XRCC1: variants seen among roughly 807,000 people sequenced by gnomAD.
XRCC1 encodes X-ray repair cross complementing 1.
A neutral mutation model predicts 83.3 loss-of-function variants in XRCC1; 52 were observed. The observed-to-expected ratio is 0.62, with a 90% CI of 0.50 to 0.79. The LOEUF is 0.79. Ranked by LOEUF, XRCC1 falls within the 30% of genes least tolerant of loss-of-function variation. The pLI is 0.00. For synonymous variants in XRCC1, 281 were observed against 312.6 expected (o/e 0.90, Z 1.07); for missense variants, 793 against 823.5 (o/e 0.96, Z 0.45).
chr19:43,551,786 G>A, intron 9 of XRCC1, 99 bp from the exon 10 acceptor site: 1 of 1,090,412 alleles, frequency 9.2e-7, no homozygotes, highest in South Asian at 1.3e-5. Context: ...GAGACAGACA[G>A]ACAGACAGAT....
Position 43,553,803 on chromosome 19 carries a change from G to A in XRCC1, c.415-120C>T, listed in dbSNP as rs1972607697. 9.1e-6 allele frequency: 7 copies of A among 770,654 alleles called. No homozygotes were observed. In the East Asian group the frequency reaches 1.8e-4, roughly 20 times the overall value. The allele number at this position is 770,654 out of a possible 1,614,324, so 47.7% of individuals were successfully genotyped here. A position where few individuals can be genotyped will look rare whatever the true frequency, so the allele number is the denominator to read the frequency against. On this transcript the variant is annotated intron_variant, in intron 4 of 16. Coordinates refer to ENST00000262887, the MANE Select transcript of XRCC1 (RefSeq NM_006297.3). ...CTTCCCTCTCATGAACACCCATGTT[G>A]AAGGAGGGGCCCTGGCGATGGTGAT...
chr19:43,544,590 T>A (rs1314674145), intron 14 of XRCC1, among the ~76,000 whole-genome samples: 2 of 151,842 alleles, frequency 1.3e-5, no homozygotes, highest in Non-Finnish European at 1.5e-5. Context: ...CACTGCAACC[T>A]CTGCCTCCTG....
At chr19:43,554,908 G>A (rs1462957287) in intron 3 of XRCC1, 104 bp from the exon 4 acceptor site, 4 of 1,310,320 alleles carry the variant, frequency 3.1e-6, no homozygotes, top group Non-Finnish European at 4.2e-6. Flanking sequence ...AGGGGACTGG[G>A]AGTCACTAGA....
rs35267441 is a variant in XRCC1, at chr19:43,557,792, CAAAAAAAAAAA to C, written c.256-2999_256-2989del. On this transcript the variant is annotated intron_variant, in intron 3 of 16. Coordinates refer to ENST00000262887, the MANE Select transcript of XRCC1 (RefSeq NM_006297.3). ...GGGCAACAGGAGCAAAATTCCATCT[CAAAAAAAAAAA>C]AAAAAAAAAAAAAAAAGGAAGGAGG... Among the ~76,000 whole-genome samples the C allele has an allele frequency of 3.9e-4, 16 of 41,016 alleles. No individual in the cohort carries two copies. The South Asian group carries it at 0.012, about 31-fold the overall frequency. 26.9% of individuals were successfully genotyped at this position (41,016 alleles called of 152,430 possible). A position where few individuals can be genotyped will look rare whatever the true frequency, so the allele number is the denominator to read the frequency against.
intron 2 of XRCC1, among the ~76,000 whole-genome samples, chr19:43,565,790 A>C (rs1972746457): frequency 6.6e-6 from 1 of 151,674 alleles, no homozygotes; most frequent in South Asian, 2.1e-4. Context: ...AAAAAAAGTT[A>C]GCTGGGTGTG....
In XRCC1 at chr19:43,552,802, G is replaced by A. The variant is rs143917286; in HGVS notation, c.818C>T (p.Pro273Leu). 479 of 1,605,576 alleles carry A rather than the reference G, an allele frequency of 3.0e-4. No homozygotes were observed. Among genetic ancestry groups the A allele is most frequent in the Middle Eastern group, 2.7e-3 (16 of 5,974 alleles). ...AAGGGATCTAGTTAGCTCACATTTAGGTCTCTTGGGAACAGATGGCGACAG... is the reference window on the plus strand; with the variant it reads ...AAGGGATCTAGTTAGCTCACATTTAAGTCTCTTGGGAACAGATGGCGACAG... Reference protein sequence around the residue: ...AQLSPSVPKRPKLPAPTRTPA... With the variant: ...AQLSPSVPKRLKLPAPTRTPA... The change falls in exon 8 of 17, where the codon CCT becomes CTT. Residue 273 changes from proline (P) to leucine (L), a missense_variant. Pro to Leu is a moderately conservative substitution (Grantham distance 98). Coordinates refer to ENST00000262887, the MANE Select transcript of XRCC1 (RefSeq NM_006297.3).
At chr19:43,558,257 C>T (rs985490111) in intron 3 of XRCC1, among the ~76,000 whole-genome samples, 1 of 152,124 alleles carries the variant, frequency 6.6e-6, no homozygotes, top group African/African-American at 2.4e-5. Flanking sequence ...ATCACTTGAA[C>T]CCGGGAGGAC....
In XRCC1 at chr19:43,546,125, T is replaced by C; in HGVS notation, c.1427-19A>G. The C allele has an allele frequency of 6.2e-7, 1 of 1,613,400 alleles. No homozygotes were observed. The highest frequency in any genetic ancestry group is 8.5e-7 in the Non-Finnish European group (1 of 1,179,772). On this transcript the variant is annotated intron_variant, in intron 12 of 16. Transcript: ENST00000262887. ...TGTCCTTCTGCAAGTAGAAGCTCAG[T>C]CAATGCAAGGCTGCCTTGTCTCCTG... is the stretch of plus-strand genomic sequence containing the variant.
intron 3 of XRCC1, among the ~76,000 whole-genome samples, chr19:43,557,763 G>A (rs1337419450): frequency 8.0e-6 from 1 of 124,894 alleles, no homozygotes; most frequent in Non-Finnish European, 1.6e-5. Flanking sequence ...CTGCACTCCA[G>A]CCTGGGCAAC....
chr19:43,562,465 C>T (rs1972710000), intron 2 of XRCC1, among the ~76,000 whole-genome samples: 2 of 152,084 alleles, frequency 1.3e-5, no homozygotes, highest in South Asian at 2.1e-4. Flanking sequence ...CCTCCTTGGC[C>T]AGGCGCAGTG....
intron 2 of XRCC1, among the ~76,000 whole-genome samples, chr19:43,562,942 C>G (rs1031448665): frequency 6.6e-5 from 10 of 152,256 alleles, no homozygotes; most frequent in Non-Finnish European, 1.3e-4. Flanking sequence ...CATGAGCAAA[C>G]GGAGGCAGGA....
At position 43,543,415 on chromosome 19, in the gene XRCC1, A is replaced by T. The variant is rs1972475258; in HGVS notation, c.1879T>A (p.Tyr627Asn). 6.2e-7 allele frequency: 1 copy of T among 1,610,408 alleles called. No homozygotes were observed. The highest frequency in any genetic ancestry group is 8.5e-7 in the Non-Finnish European group (1 of 1,179,054). Residue 627 changes from tyrosine (Y) to asparagine (N), a missense_variant, in exon 17 of 17, where the codon TAT becomes AAT. Tyr to Asn is a moderately radical substitution (Grantham distance 143, BLOSUM62 -2). Transcript: ENST00000262887. ...CTTCAGGCTTGCGGCACCACCCCAT[A>T]GAGCTGGTGAGGAAGTAACTTCTGC... ...EKQKLLPHQL[Y>N]GVVPQA
intron 2 of XRCC1, among the ~76,000 whole-genome samples, chr19:43,570,177 A>T (rs1206926000): frequency 6.6e-6 from 1 of 152,228 alleles, no homozygotes; most frequent in Non-Finnish European, 1.5e-5. Flanking sequence ...GTGATTAGAA[A>T]ACCAATAACA....
At chr19:43,557,578 A>C (rs998152114) in intron 3 of XRCC1, among the ~76,000 whole-genome samples, 6 of 151,972 alleles carry the variant, frequency 3.9e-5, no homozygotes, top group Non-Finnish European at 5.9e-5. Flanking sequence ...TGGAGCTGAC[A>C]GGGAAGCTGC....
intron 14 of XRCC1, 82 bp downstream of exon 14, chr19:43,545,736 C>A: frequency 6.4e-7 from 1 of 1,570,838 alleles, no homozygotes; most frequent in South Asian, 1.2e-5. Flanking sequence ...GCAGCAGTGA[C>A]CCCAGGGCTG....
chr19:43,554,584 G>C (rs2146053864), intron 4 of XRCC1, 62 bp downstream of exon 4: 1 of 1,538,884 alleles, frequency 6.5e-7, no homozygotes, highest in Non-Finnish European at 8.8e-7. Flanking sequence ...CTCAATATTG[G>C]CCCTTATTTC....
intron 6 of XRCC1, 22 bp from the exon 7 acceptor site, chr19:43,553,113 C>T: frequency 6.4e-7 from 1 of 1,552,572 alleles, no homozygotes; most frequent in Non-Finnish European, 8.7e-7. Flanking sequence ...GAAAGTGGAT[C>T]CAGGATGAGA....
intron 2 of XRCC1, among the ~76,000 whole-genome samples, chr19:43,567,473 G>A (rs1469901332): frequency 1.1e-4 from 17 of 151,984 alleles, no homozygotes; most frequent in African/African-American, 3.9e-4. Context: ...CACCACCCCC[G>A]GCTAATTTTT....
At position 43,548,189 on chromosome 19, in the gene XRCC1, G is replaced by A. The variant is rs1210127027; in HGVS notation, c.1200-1212C>T. ...CCTCCGCCCGGCCGCCGCCCCGTCCGGGAGGTGGGGGGCGCCTCTGCCCGG... is the reference window on the plus strand; with the variant it reads ...CCTCCGCCCGGCCGCCGCCCCGTCCAGGAGGTGGGGGGCGCCTCTGCCCGG... On this transcript the variant is annotated intron_variant, in intron 10 of 16. Transcript: ENST00000262887. Among the ~76,000 whole-genome samples the A allele has an allele frequency of 2.4e-3, 360 of 151,702 alleles. 2 individuals carry two copies. The highest frequency in any genetic ancestry group is 8.2e-3 in the African/African-American group (339 of 41,382).
Sources: gnomAD v4.1 joint callset for allele counts (sites outside exome capture counted in the v4.1 genomes callset) on GRCh38, gnomAD v4.1.1 for gene constraint, MANE v1.5 for transcripts, NCBI Gene and HGNC (gene_info 2026-07-23, HGNC 2026-07-21) for gene names.